Variants in ADAM22 observed in about 807,000 individuals in gnomAD.
ADAM22 encodes disintegrin and metalloproteinase domain-containing protein 22.
A neutral mutation model predicts 144.6 loss-of-function variants in ADAM22; 65 were observed. The ratio of observed to expected loss-of-function variants is 0.45; its 90% CI spans 0.37 to 0.55. The LOEUF is 0.55. Ranked by LOEUF, ADAM22 falls within the 20% of genes least tolerant of loss-of-function variation. The pLI, the probability that ADAM22 is intolerant of heterozygous loss-of-function variation, is 0.00. For missense variants in ADAM22, 974 were observed against 1,184.9 expected (o/e 0.82, Z 2.61); for synonymous variants, 391 against 412.6 (o/e 0.95, Z 0.63).
intron 2 of ADAM22, among the ~76,000 whole-genome samples, chr7:87,969,021 T>G (rs1466466410): frequency 6.6e-6 from 1 of 152,114 alleles, no homozygotes; most frequent in Non-Finnish European, 1.5e-5. Context: ...TCACAAGAAC[T>G]GCAAGGAGGA....
intron 3 of ADAM22, among the ~76,000 whole-genome samples, chr7:88,061,546 C>T (rs1037899152): frequency 6.6e-6 from 1 of 152,084 alleles, no homozygotes; most frequent in Admixed American, 6.5e-5. Context: ...CATCAGAGCT[C>T]TTAGGTGACT....
At chr7:87,934,937 C>G in intron 1 of ADAM22, 89 bp from the exon 2 acceptor site, 1 of 1,559,378 alleles carries the variant, frequency 6.4e-7, no homozygotes, top group East Asian at 2.2e-5. Flanking sequence ...GTAGGGGAGA[C>G]GTAGGACTGC....
chr7:87,948,966 A>G (rs1844378695), intron 2 of ADAM22, among the ~76,000 whole-genome samples: 1 of 152,238 alleles, frequency 6.6e-6, no homozygotes. Flanking sequence ...AAAATGCAGG[A>G]AAAAAGTTCT....
chr7:87,964,376 G>A (rs1252526439), intron 2 of ADAM22, among the ~76,000 whole-genome samples: 66 of 152,244 alleles, frequency 4.3e-4, no homozygotes, highest in African/African-American at 1.5e-3. Flanking sequence ...AGATGATTTG[G>A]AGTCAGTGTA....
At chr7:88,109,918 G>A (rs1393364433) in intron 5 of ADAM22, among the ~76,000 whole-genome samples, 1 of 152,064 alleles carries the variant, frequency 6.6e-6, no homozygotes, top group Non-Finnish European at 1.5e-5. Context: ...TAATGGACAC[G>A]GCCAGAAAAT....
At chr7:87,956,907 T>G (rs1442073252) in intron 2 of ADAM22, among the ~76,000 whole-genome samples, 1 of 152,254 alleles carries the variant, frequency 6.6e-6, no homozygotes, top group Non-Finnish European at 1.5e-5. Flanking sequence ...TGTGGACATG[T>G]GGAAACACAC....
intron 3 of ADAM22, among the ~76,000 whole-genome samples, chr7:88,037,173 T>G (rs1801718562): frequency 6.6e-6 from 1 of 152,156 alleles, no homozygotes. Context: ...AGAAAAATTC[T>G]AAGTAATGGA....
chr7:87,935,240 C>T, intron 2 of ADAM22, 54 bp downstream of exon 2: 1 of 1,489,952 alleles, frequency 6.7e-7, no homozygotes, highest in Non-Finnish European at 8.9e-7. Context: ...CCACCCGAGA[C>T]CCCACGATTG....
At chr7:87,972,792 A>G (rs952073218) in intron 2 of ADAM22, among the ~76,000 whole-genome samples, 5 of 152,216 alleles carry the variant, frequency 3.3e-5, no homozygotes, top group South Asian at 2.1e-4. Flanking sequence ...AACACCGCAT[A>G]TCTACAACTA....
At chr7:88,182,579 CT>C (rs1327430447) in intron 29 of ADAM22, among the ~76,000 whole-genome samples, 1 of 152,156 alleles carries the variant, frequency 6.6e-6, no homozygotes, top group East Asian at 1.9e-4. Flanking sequence ...TGCTCTTTAA[CT>C]GAATCATTGT....
At chr7:88,092,405 A>T (rs1348127584) in intron 4 of ADAM22, among the ~76,000 whole-genome samples, 1 of 152,224 alleles carries the variant, frequency 6.6e-6, no homozygotes, top group Non-Finnish European at 1.5e-5. Flanking sequence ...CACATGTAAT[A>T]TCAGTTATTC....
chr7:88,080,659 AG>A (rs978740125), intron 4 of ADAM22, among the ~76,000 whole-genome samples: 2 of 152,178 alleles, frequency 1.3e-5, no homozygotes, highest in Admixed American at 1.3e-4. Flanking sequence ...AAAATGACAA[AG>A]GTGATATCTC....
chr7:88,039,464 A>AAAAAAAAATATATATATATAT, intron 3 of ADAM22, among the ~76,000 whole-genome samples: 1 of 76,376 alleles, frequency 1.3e-5, no homozygotes, highest in African/African-American at 4.7e-5. Context: ...AAAAAAAAAA[A>AAAAAAAAATATATATATATAT]ATATATATAT....
chr7:87,988,604 A>C (rs995461822), intron 3 of ADAM22, among the ~76,000 whole-genome samples: 6 of 152,220 alleles, frequency 3.9e-5, no homozygotes, highest in Non-Finnish European at 8.8e-5. Flanking sequence ...AGAAAATCTT[A>C]TGACTTACTG....
chr7:88,200,763 T>C lies in ADAM22; in HGVS notation c.*4272T>C, dbSNP rs946660181. On this transcript the variant is annotated 3_prime_UTR_variant, in exon 32 of 32. Coordinates refer to ENST00000413139, the MANE Select transcript of ADAM22 (RefSeq NM_001324418.2). ...AATAGGGCTTAATTTGGGGCTCAAA[T>C]GTTTTGTTTTCCTCCTGAGATGTTT... The C allele has an allele frequency of 2.6e-5, 4 of 152,350 alleles. No homozygotes were observed. The highest frequency in any genetic ancestry group is 9.6e-5 in the African/African-American group (4 of 41,562). 9.4% of individuals were successfully genotyped at this position (152,350 alleles called of 1,614,324 possible). A position where few individuals can be genotyped will look rare whatever the true frequency, so the allele number is the denominator to read the frequency against.
At chr7:88,046,720 C>A (rs150024479) in intron 3 of ADAM22, among the ~76,000 whole-genome samples, 3 of 152,134 alleles carry the variant, frequency 2.0e-5, no homozygotes, top group Non-Finnish European at 4.4e-5. Context: ...AAGTCTTTAG[C>A]CTATTTTGAG....
At chr7:88,133,967 A>T (rs372564263) in intron 12 of ADAM22, among the ~76,000 whole-genome samples, 37 of 152,184 alleles carry the variant, frequency 2.4e-4, no homozygotes, top group African/African-American at 7.5e-4. Flanking sequence ...GTTCTAAAAA[A>T]ATTTACAGAT....
intron 2 of ADAM22, among the ~76,000 whole-genome samples, chr7:87,955,759 T>G (rs1325089983): frequency 6.6e-6 from 1 of 152,218 alleles, no homozygotes; most frequent in Non-Finnish European, 1.5e-5. Context: ...GCAGGCCTCC[T>G]TGAGCTGTGG....
chr7:88,195,032 A>G (rs1850381263), intron 31 of ADAM22, among the ~76,000 whole-genome samples: 1 of 152,188 alleles, frequency 6.6e-6, no homozygotes, highest in Non-Finnish European at 1.5e-5. Context: ...AGAACATATT[A>G]AGGGAACCTA....
Sources: gnomAD v4.1 joint callset for allele counts (sites outside exome capture counted in the v4.1 genomes callset) on GRCh38, gnomAD v4.1.1 for gene constraint, MANE v1.5 for transcripts, NCBI Gene and HGNC (gene_info 2026-07-23, HGNC 2026-07-21) for gene names.